Variants in DNAI7 observed in about 807,000 individuals in gnomAD.
The protein encoded by DNAI7 is cancer susceptibility 1.
Under a neutral mutation model 86.6 loss-of-function variants are expected in DNAI7, and 78 were observed. The observed-to-expected ratio is 0.90, with a 90% CI of 0.75 to 1.09. DNAI7 has a LOEUF of 1.09. DNAI7 is among the 50% of genes least tolerant of loss of function. DNAI7 has a pLI of 0.00. For missense variants in DNAI7, 753 were observed against 810.2 expected (o/e 0.93, Z 0.86); for synonymous variants, 274 against 273.0 (o/e 1.00, Z -0.04).
At chr12:25,159,753 A>C (rs879402073) in intron 3 of DNAI7, among the ~76,000 whole-genome samples, 10 of 152,144 alleles carry the variant, frequency 6.6e-5, no homozygotes, top group Non-Finnish European at 1.2e-4. Context: ...ATGCCCCAAG[A>C]TATAGATCCT....
Position 25,108,370 on chromosome 12 carries a change from A to G in DNAI7, c.*178T>C. 1.7e-6 allele frequency: 1 copy of G among 600,254 alleles called. No homozygotes were observed. Among genetic ancestry groups the G allele is most frequent in the Non-Finnish European group, 2.7e-6 (1 of 365,544 alleles). 37.2% of individuals were successfully genotyped at this position (600,254 alleles called of 1,614,324 possible). On this transcript the variant is annotated 3_prime_UTR_variant, in exon 16 of 16. Coordinates refer to ENST00000395987, the MANE Select transcript of DNAI7 (RefSeq NM_018272.5). ...AGCTGAAATTCTTAACAGGCCAAGT[A>G]TTCAAAGGAAAAAAAAATACTGTTT...
chr12:25,111,079 ATAT>A (rs1313537625), intron 14 of DNAI7, among the ~76,000 whole-genome samples: 10 of 152,124 alleles, frequency 6.6e-5, no homozygotes, highest in African/African-American at 2.2e-4. Flanking sequence ...ATATCTACTT[ATAT>A]TGTCATTTTC....
chr12:25,147,524 T>C (rs1410106611), intron 7 of DNAI7, among the ~76,000 whole-genome samples: 1 of 151,622 alleles, frequency 6.6e-6, no homozygotes, highest in Non-Finnish European at 1.5e-5. Context: ...GGTGTGCAAC[T>C]GTAGTCCCAG....
At chr12:25,179,844 T>C (rs1423731206) in intron 2 of DNAI7, among the ~76,000 whole-genome samples, 6 of 151,960 alleles carry the variant, frequency 3.9e-5, no homozygotes, top group Admixed American at 3.3e-4. Flanking sequence ...TCATACTGAA[T>C]AGGCAAAAGC....
chr12:25,156,627 G>A (rs1358567625), intron 4 of DNAI7, among the ~76,000 whole-genome samples: 1 of 151,936 alleles, frequency 6.6e-6, no homozygotes, highest in Non-Finnish European at 1.5e-5. Context: ...TGTAATCTCT[G>A]CTACTCGGGA....
intron 2 of DNAI7, among the ~76,000 whole-genome samples, chr12:25,178,717 A>G (rs547885537): frequency 1.5e-4 from 23 of 152,196 alleles, no homozygotes; most frequent in Non-Finnish European, 3.4e-4. Context: ...GGGGGACTCC[A>G]GATGGCTGGT....
chr12:25,161,156 C>T lies in DNAI7; in HGVS notation c.63G>A (p.Leu21=). ...KKKKVTKAER[L]KLLQEEEERR... ...TCTCCTCCTCCTCTTGTAGCAGCTT[C>T]AATCGTTCAGCTTTGGTGACTTTCT... Residue 21 remains leucine (L), a synonymous_variant, in exon 3 of 16, where the codon TTG becomes TTA. Coordinates refer to ENST00000395987, the MANE Select transcript of DNAI7 (RefSeq NM_018272.5). 1 of 1,613,964 alleles carries T rather than the reference C, an allele frequency of 6.2e-7. No homozygotes were observed. Among genetic ancestry groups the T allele is most frequent in the Non-Finnish European group, 8.5e-7 (1 of 1,179,932 alleles).
At chr12:25,184,036 T>C (rs771267159) in intron 2 of DNAI7, among the ~76,000 whole-genome samples, 2 of 152,194 alleles carry the variant, frequency 1.3e-5, no homozygotes, top group Non-Finnish European at 2.9e-5. Context: ...CCAAGGACTT[T>C]AGAATGTCTT....
At chr12:25,154,031 C>A (rs185659492) in intron 6 of DNAI7, among the ~76,000 whole-genome samples, 1 of 152,186 alleles carries the variant, frequency 6.6e-6, no homozygotes, top group African/African-American at 2.4e-5. Flanking sequence ...TACCCACTAC[C>A]CCCACCCGAG....
rs570331696 is a variant in DNAI7, at chr12:25,138,029, C to T, written c.1002+6336G>A. Among the ~76,000 whole-genome samples, 21 of 151,724 alleles carry T rather than the reference C, an allele frequency of 1.4e-4. 1 individual carries two copies. The highest frequency in any genetic ancestry group is 8.3e-4 in the South Asian group (4 of 4,814). On this transcript the variant is annotated intron_variant, in intron 9 of 15. Transcript: ENST00000395987. ...AAAAAAAAAACAAAACAAAACTATA[C>T]CCTAGAACAAATGGACTTAACAGAT...
intron 2 of DNAI7, among the ~76,000 whole-genome samples, chr12:25,169,862 A>AC (rs1314999635): frequency 4.6e-5 from 7 of 151,658 alleles, no homozygotes; most frequent in Admixed American, 1.3e-4. Context: ...AAAAAAAAAA[A>AC]AAGAAAAAAA....
chr12:25,148,016 G>A (rs1202640248), intron 7 of DNAI7, among the ~76,000 whole-genome samples: 3 of 152,284 alleles, frequency 2.0e-5, no homozygotes, highest in Admixed American at 2.0e-4. Context: ...TAAAGGGTTT[G>A]AATAAGTAAA....
chr12:25,123,959 A>G (rs1941698145), intron 9 of DNAI7, among the ~76,000 whole-genome samples: 1 of 152,100 alleles, frequency 6.6e-6, no homozygotes, highest in African/African-American at 2.4e-5. Flanking sequence ...TAAGGGTCAA[A>G]TAAGATAATG....
chr12:25,119,078 T>C, intron 12 of DNAI7, 67 bp downstream of exon 12: 1 of 1,320,704 alleles, frequency 7.6e-7, no homozygotes, highest in Admixed American at 2.3e-5. Flanking sequence ...TACACTACAC[T>C]TTCTGTTTCA....
intron 9 of DNAI7, among the ~76,000 whole-genome samples, chr12:25,125,326 A>T (rs1941970663): frequency 6.6e-6 from 1 of 152,184 alleles, no homozygotes; most frequent in Non-Finnish European, 1.5e-5. Flanking sequence ...CTGGTGTGAG[A>T]TGATATCTCA....
intron 9 of DNAI7, among the ~76,000 whole-genome samples, chr12:25,140,625 G>A (rs974605492): frequency 1.7e-4 from 26 of 151,920 alleles, no homozygotes; most frequent in Non-Finnish European, 3.4e-4. Context: ...TTGTGAAAAT[G>A]ACCATACTGC....
At chr12:25,137,485 A>G (rs1476602661) in intron 9 of DNAI7, among the ~76,000 whole-genome samples, 1 of 152,100 alleles carries the variant, frequency 6.6e-6, no homozygotes, top group African/African-American at 2.4e-5. Context: ...AAAACAAAAC[A>G]AAAAAATAAT....
intron 9 of DNAI7, among the ~76,000 whole-genome samples, chr12:25,135,031 C>A (rs11047852): frequency 0.5 from 76,402 of 152,076 alleles, 22,385 homozygotes; most frequent in East Asian, 0.89. Context: ...AGACTCACAT[C>A]ATGAACTTTT....
At chr12:25,175,045 C>T (rs1037515133) in intron 2 of DNAI7, among the ~76,000 whole-genome samples, 20 of 151,882 alleles carry the variant, frequency 1.3e-4, no homozygotes, top group Admixed American at 2.6e-4. Context: ...ACCAAAATCT[C>T]ACAAATCACC....
Sources: gnomAD v4.1 joint callset for allele counts (sites outside exome capture counted in the v4.1 genomes callset) on GRCh38, gnomAD v4.1.1 for gene constraint, MANE v1.5 for transcripts, NCBI Gene and HGNC (gene_info 2026-07-23, HGNC 2026-07-21) for gene names.